CMSS1: variants seen among roughly 807,000 people sequenced by gnomAD.
CMSS1 encodes the protein protein CMSS1.
A neutral mutation model predicts 43.5 loss-of-function variants in CMSS1; 33 were observed. The ratio of observed to expected loss-of-function variants is 0.76; its 90% CI spans 0.57 to 1.01. The LOEUF (loss-of-function observed/expected upper bound fraction) is 1.01. Among genes scored for constraint, CMSS1 ranks in the 50% least tolerant of loss-of-function variants. CMSS1 has a pLI of 0.00. For synonymous variants in CMSS1, 115 were observed against 117.2 expected (o/e 0.98, Z 0.12); for missense variants, 313 against 326.4 (o/e 0.96, Z 0.32).
At chr3:100,056,702 A>G (rs951933389) in intron 1 of CMSS1, among the ~76,000 whole-genome samples, 1 of 102,100 alleles carries the variant, frequency 9.8e-6, no homozygotes. Flanking sequence ...CTAGACCATT[A>G]AAAAAAAAAA....
chr3:99,856,464 A>G (rs1943971738), intron 1 of CMSS1, among the ~76,000 whole-genome samples: 1 of 152,244 alleles, frequency 6.6e-6, no homozygotes, highest in African/African-American at 2.4e-5. Flanking sequence ...ACAGCATTAT[A>G]GGAACATTCA....
At chr3:100,064,048 G>A (rs2065619411) in intron 1 of CMSS1, among the ~76,000 whole-genome samples, 1 of 152,206 alleles carries the variant, frequency 6.6e-6, no homozygotes, top group African/African-American at 2.4e-5. Flanking sequence ...CTAGAAGCAG[G>A]TGGAAGAGTT....
chr3:99,913,294 A>G (rs189177545), intron 1 of CMSS1, among the ~76,000 whole-genome samples: 23 of 152,308 alleles, frequency 1.5e-4, no homozygotes, highest in Admixed American at 1.0e-3. Context: ...ACTATTTTCC[A>G]ATGCACCATT....
intron 1 of CMSS1, among the ~76,000 whole-genome samples, chr3:100,064,796 A>C (rs1344971842): frequency 6.6e-6 from 1 of 152,178 alleles, no homozygotes; most frequent in Non-Finnish European, 1.5e-5. Context: ...CAATTTGACA[A>C]ACAGCTAATT....
chr3:100,062,855 C>T (rs2065598024), intron 1 of CMSS1, among the ~76,000 whole-genome samples: 1 of 152,204 alleles, frequency 6.6e-6, no homozygotes, highest in Non-Finnish European at 1.5e-5. Context: ...AGTCCCCCAA[C>T]TCTCAGTTAC....
intron 1 of CMSS1, among the ~76,000 whole-genome samples, chr3:99,885,579 T>G (rs1028456489): frequency 2.0e-5 from 3 of 152,236 alleles, no homozygotes; most frequent in African/African-American, 7.2e-5. Flanking sequence ...TAAAAATACA[T>G]CAGTAGACTC....
rs151246882 is a variant in CMSS1 at position 100,108,393 on chromosome 3, T to C, written c.65-38580T>C. ...TGTGTCACTAACTGTGCTTATTACT[T>C]ACCAAGGCAGGTACAATTCTTATCT... On this transcript the variant is annotated intron_variant, in intron 1 of 9. Transcript: ENST00000421999. 3.2e-3 allele frequency among the ~76,000 whole-genome samples: 487 copies of C among 152,304 alleles called. 4 individuals carry two copies. The highest frequency in any genetic ancestry group is 0.011 in the African/African-American group (475 of 41,578).
At chr3:99,963,915 C>T (rs1341060506) in intron 1 of CMSS1, among the ~76,000 whole-genome samples, 1 of 152,136 alleles carries the variant, frequency 6.6e-6, no homozygotes, top group Admixed American at 6.5e-5. Flanking sequence ...CGCGCCCAGC[C>T]ACATCCATTT....
At chr3:99,904,252 T>C (rs1706537924) in intron 1 of CMSS1, among the ~76,000 whole-genome samples, 1 of 152,246 alleles carries the variant, frequency 6.6e-6, no homozygotes, top group Non-Finnish European at 1.5e-5. Flanking sequence ...CATTAGAATG[T>C]GCTTATTTTA....
chr3:100,140,785 A>C (rs573415724), intron 1 of CMSS1, among the ~76,000 whole-genome samples: 24 of 152,132 alleles, frequency 1.6e-4, no homozygotes, highest in African/African-American at 4.3e-4. Flanking sequence ...CAAAATTCCT[A>C]ATATAAAATT....
At position 100,162,378 on chromosome 3, in the gene CMSS1, G is replaced by A. The variant is rs767064614; in HGVS notation, c.301G>A (p.Asp101Asn). Residue 101 changes from aspartate (D) to asparagine (N), a missense_variant, in exon 4 of 10, where the codon GAC becomes AAC. Coordinates refer to ENST00000421999, the MANE Select transcript of CMSS1 (RefSeq NM_032359.4). ...LPEDLQKLMK[D>N]YYSSRRLVIE... ...TGAAGACCTACAGAAGCTGATGAAG[G>A]ACTATTATAGCAGCAGACGCTTGGT... is the stretch of plus-strand genomic sequence containing the variant. 1.8e-5 allele frequency: 29 copies of A among 1,613,628 alleles called. No homozygotes were observed. In the East Asian group the frequency reaches 6.5e-4, roughly 36 times the overall value.
intron 1 of CMSS1, among the ~76,000 whole-genome samples, chr3:99,865,802 T>G (rs992270118): frequency 1.0e-4 from 15 of 150,448 alleles, no homozygotes; most frequent in Non-Finnish European, 2.1e-4. Flanking sequence ...GTATTTTATC[T>G]TATTAAGAAT....
At position 99,910,352 on chromosome 3, in the gene CMSS1, A is replaced by T. The variant is rs1334254033; in HGVS notation, c.64+92309A>T. 7.3e-5 allele frequency among the ~76,000 whole-genome samples: 10 copies of T among 136,994 alleles called. 2 individuals carry two copies. The Admixed American group carries it at 7.7e-4, about 11-fold the overall frequency. 89.9% of individuals were successfully genotyped at this position (136,994 alleles called of 152,430 possible). ...CTGACTCACACTGTCGACTGATAGAATGCAAACACATTCAGAATTCTCCTG... is the reference window on the plus strand; with the variant it reads ...CTGACTCACACTGTCGACTGATAGATTGCAAACACATTCAGAATTCTCCTG... On this transcript the variant is annotated intron_variant, in intron 1 of 9. Transcript: ENST00000421999.
intron 1 of CMSS1, among the ~76,000 whole-genome samples, chr3:99,908,401 C>A (rs1383598071): frequency 6.6e-6 from 1 of 152,190 alleles, no homozygotes; most frequent in South Asian, 2.1e-4. Context: ...ATTTGAAATA[C>A]CATTATGTTC....
intron 1 of CMSS1, among the ~76,000 whole-genome samples, chr3:100,066,515 T>C (rs62285466): frequency 4.0e-5 from 4 of 99,280 alleles, no homozygotes; most frequent in Non-Finnish European, 6.2e-5. Context: ...AAGGCTTTGC[T>C]TCTTTTTTTT....
intron 1 of CMSS1, among the ~76,000 whole-genome samples, chr3:100,033,805 G>A (rs981855126): frequency 6.6e-6 from 1 of 152,048 alleles, no homozygotes; most frequent in Non-Finnish European, 1.5e-5. Flanking sequence ...TTGTTTTTAG[G>A]ATTTAGAGGT....
rs538658964 is a variant in CMSS1, at chr3:99,860,958, C to T, written c.64+42915C>T. 1.1e-3 allele frequency among the ~76,000 whole-genome samples: 166 copies of T among 152,052 alleles called. 2 individuals are homozygous for T. The highest frequency in any genetic ancestry group is 3.7e-3 in the African/African-American group (155 of 41,456). ...TACTCAAATGAAGTTTTCTTTATGCCGTTTACTCAGATGACATCTATCAAG... is the reference window on the plus strand; with the variant it reads ...TACTCAAATGAAGTTTTCTTTATGCTGTTTACTCAGATGACATCTATCAAG... On this transcript the variant is annotated intron_variant, in intron 1 of 9. Coordinates refer to ENST00000421999, the MANE Select transcript of CMSS1 (RefSeq NM_032359.4).
intron 1 of CMSS1, among the ~76,000 whole-genome samples, chr3:99,846,457 A>G (rs1943369078): frequency 6.6e-6 from 1 of 152,240 alleles, no homozygotes. Context: ...GCTAAAATTA[A>G]GTTTGCCATT....
intron 1 of CMSS1, among the ~76,000 whole-genome samples, chr3:99,994,265 T>C (rs1312777604): frequency 5.3e-5 from 8 of 152,186 alleles, no homozygotes; most frequent in Non-Finnish European, 7.3e-5. Context: ...AAGAAAGAGA[T>C]AGATGGCAAT....
Sources: gnomAD v4.1 joint callset for allele counts (sites outside exome capture counted in the v4.1 genomes callset) on GRCh38, gnomAD v4.1.1 for gene constraint, MANE v1.5 for transcripts, NCBI Gene and HGNC (gene_info 2026-07-23, HGNC 2026-07-21) for gene names.